Variants in WDR27 observed in about 807,000 individuals in gnomAD.
WDR27 encodes the protein WD repeat domain 27.
WDR27 carries 100 observed loss-of-function variants against 114.4 expected under a neutral mutation model. That is an observed-to-expected ratio of 0.87 (90% CI 0.74 to 1.03). WDR27 has a LOEUF of 1.03. Ranked by LOEUF, WDR27 falls within the 50% of genes least tolerant of loss-of-function variation. The pLI, the probability that WDR27 is intolerant of heterozygous loss-of-function variation, is 0.00. For missense variants in WDR27, 1,129 were observed against 1,092.9 expected (o/e 1.03, Z -0.47); for synonymous variants, 449 against 423.1 (o/e 1.06, Z -0.75).
chr6:169,527,724 G>C (rs554261152), intron 25 of WDR27, among the ~76,000 whole-genome samples: 1 of 152,182 alleles, frequency 6.6e-6, no homozygotes, highest in Admixed American at 6.5e-5. Flanking sequence ...TTTTGTAATG[G>C]GGCTGGAGCA....
intron 25 of WDR27, among the ~76,000 whole-genome samples, chr6:169,521,448 G>A (rs1794368355): frequency 6.6e-6 from 1 of 152,060 alleles, no homozygotes. Context: ...CAAGAAGAAA[G>A]CATTTCAAGG....
intron 25 of WDR27, among the ~76,000 whole-genome samples, chr6:169,527,472 G>A (rs556721990): frequency 6.6e-5 from 10 of 152,316 alleles, no homozygotes; most frequent in African/African-American, 2.4e-4. Flanking sequence ...TGATTCGGGA[G>A]TGGGGAATTG....
intron 25 of WDR27, among the ~76,000 whole-genome samples, chr6:169,564,566 G>T (rs1467841344): frequency 2.0e-5 from 3 of 152,302 alleles, no homozygotes; most frequent in Admixed American, 2.0e-4. Context: ...TGACCTCTCC[G>T]TGGCTGACCA....
the WDR27 span, among the ~76,000 whole-genome samples, chr6:169,448,227 G>A: frequency 6.6e-6 from 1 of 151,924 alleles, no homozygotes; most frequent in African/African-American, 2.4e-5. Context: ...GTTTTCTATC[G>A]GGCAATTGGT....
At chr6:169,627,316 C>T (rs993780896) in intron 21 of WDR27, among the ~76,000 whole-genome samples, 3 of 152,180 alleles carry the variant, frequency 2.0e-5, no homozygotes, top group Non-Finnish European at 4.4e-5. Context: ...CCTATATCTT[C>T]GTTCTCCAAG....
chr6:169,617,083 G>C (rs569936118), intron 21 of WDR27, among the ~76,000 whole-genome samples: 78 of 152,296 alleles, frequency 5.1e-4, no homozygotes, highest in African/African-American at 1.7e-3. Flanking sequence ...CAGCATCCTT[G>C]TGGGGGATCA....
intron 21 of WDR27, among the ~76,000 whole-genome samples, chr6:169,625,617 GCTCA>G (rs947206556): frequency 7.9e-5 from 12 of 152,230 alleles, no homozygotes; most frequent in Non-Finnish European, 1.8e-4. Context: ...CGTTCACTGG[GCTCA>G]CTGTCAGGTG....
At chr6:169,629,809 C>T (rs1815847529) in intron 21 of WDR27, among the ~76,000 whole-genome samples, 3 of 151,950 alleles carry the variant, frequency 2.0e-5, no homozygotes, top group Admixed American at 2.0e-4. Flanking sequence ...CGACTCTAAT[C>T]CCAGCTACTC....
intron 25 of WDR27, among the ~76,000 whole-genome samples, chr6:169,511,211 A>G (rs1232610651): frequency 1.3e-5 from 2 of 152,196 alleles, no homozygotes; most frequent in Admixed American, 6.5e-5. Flanking sequence ...CCTTCCATTG[A>G]AAGTGATTAT....
intron 1 of WDR27, among the ~76,000 whole-genome samples, chr6:169,696,399 CAAA>C (rs1266646637): frequency 6.6e-6 from 1 of 152,204 alleles, no homozygotes; most frequent in Non-Finnish European, 1.5e-5. Flanking sequence ...TGCACACACA[CAAA>C]ATCTCACACC....
At chr6:169,687,268 T>C (rs1783240686) in intron 2 of WDR27, among the ~76,000 whole-genome samples, 1 of 152,062 alleles carries the variant, frequency 6.6e-6, no homozygotes, top group Non-Finnish European at 1.5e-5. Flanking sequence ...TGTACAACTA[T>C]TACATGTCAA....
the WDR27 span, among the ~76,000 whole-genome samples, chr6:169,433,345 G>T: frequency 2.6e-5 from 4 of 152,128 alleles, no homozygotes; most frequent in African/African-American, 4.8e-5. Context: ...GCGGTGTTTG[G>T]TTTTCTGTTC....
chr6:169,632,775 A>C (rs1816740149), intron 21 of WDR27, among the ~76,000 whole-genome samples, 172 bp downstream of exon 21: 1 of 152,240 alleles, frequency 6.6e-6, no homozygotes, highest in South Asian at 2.1e-4. Context: ...ACATGATATT[A>C]AAATATCTCC....
chr6:169,461,811 A>G (rs890077757), intron 25 of WDR27, among the ~76,000 whole-genome samples: 1 of 152,002 alleles, frequency 6.6e-6, no homozygotes, highest in Non-Finnish European at 1.5e-5. Context: ...AGAGAAAAAC[A>G]AGGAAACAAA....
chr6:169,615,487 T>C (rs184792068), intron 21 of WDR27, among the ~76,000 whole-genome samples: 117 of 152,272 alleles, frequency 7.7e-4, no homozygotes, highest in Middle Eastern at 3.4e-3. Flanking sequence ...GCCACATACC[T>C]ACGACCGACT....
chr6:169,522,751 T>C (rs746817974), intron 25 of WDR27, among the ~76,000 whole-genome samples: 147 of 151,862 alleles, frequency 9.7e-4, no homozygotes, highest in Non-Finnish European at 1.2e-3. Flanking sequence ...GAAGAAAATT[T>C]AAAAATATCT....
chr6:169,579,826 C>T (rs983450795), intron 24 of WDR27, among the ~76,000 whole-genome samples: 3 of 152,172 alleles, frequency 2.0e-5, no homozygotes, highest in Non-Finnish European at 4.4e-5. Flanking sequence ...ACACTTTGCT[C>T]GAAAAAACCT....
At chr6:169,552,294 C>A (rs1234143448) in intron 25 of WDR27, among the ~76,000 whole-genome samples, 1 of 152,084 alleles carries the variant, frequency 6.6e-6, no homozygotes, top group African/African-American at 2.4e-5. Context: ...TTTTAATAAG[C>A]ACGTAGATGA....
chr6:169,578,310 A>G (rs1159838337), intron 24 of WDR27, among the ~76,000 whole-genome samples: 1 of 152,198 alleles, frequency 6.6e-6, no homozygotes, highest in Admixed American at 6.5e-5. Flanking sequence ...TATAAAAACA[A>G]TGGCACGGGC....
Sources: gnomAD v4.1 joint callset for allele counts (sites outside exome capture counted in the v4.1 genomes callset) on GRCh38, gnomAD v4.1.1 for gene constraint, MANE v1.5 for transcripts, NCBI Gene and HGNC (gene_info 2026-07-23, HGNC 2026-07-21) for gene names.